TSHZ3: variants seen among roughly 807,000 people sequenced by gnomAD.
TSHZ3 encodes the protein teashirt zinc finger homeobox 3, also known as teashirt homolog 3.
TSHZ3 carries 10 observed loss-of-function variants against 64.5 expected under a neutral mutation model. The ratio of observed to expected loss-of-function variants is 0.16; its 90% CI spans 0.10 to 0.26. The LOEUF is 0.26. TSHZ3 is among the 10% of genes least tolerant of loss of function. The probability of loss-of-function intolerance (pLI) is 1.00; values close to 1 mark genes in which losing one functional copy is unlikely to be tolerated. For synonymous variants in TSHZ3, 608 were observed against 593.1 expected (o/e 1.03, Z -0.36); for missense variants, 1,242 against 1,421.7 (o/e 0.87, Z 2.03).
At chr19:31,291,594 G>C (rs1387259879) in intron 1 of TSHZ3, among the ~76,000 whole-genome samples, 1 of 152,166 alleles carries the variant, frequency 6.6e-6, no homozygotes, top group Non-Finnish European at 1.5e-5. Context: ...ATGTATCAAG[G>C]AGGCATTCAC....
intron 1 of TSHZ3, among the ~76,000 whole-genome samples, chr19:31,243,370 C>T (rs1975720889): frequency 6.6e-6 from 1 of 152,198 alleles, no homozygotes; most frequent in African/African-American, 2.4e-5. Flanking sequence ...TACTGTTACA[C>T]ACTTACAGAC....
exon 7 of TSHZ3, among the ~76,000 whole-genome samples, chr19:31,151,463 C>A (rs145652112): frequency 1.5e-4 from 23 of 152,290 alleles, no homozygotes; most frequent in African/African-American, 5.1e-4. Flanking sequence ...GACCTAGCCA[C>A]CCAGTCTTCA....
At chr19:31,249,043 C>G (rs1975797399) in intron 1 of TSHZ3, among the ~76,000 whole-genome samples, 1 of 150,152 alleles carries the variant, frequency 6.7e-6, no homozygotes, top group Non-Finnish European at 1.5e-5. Context: ...TGGCTAGTCC[C>G]TCCCTGCTCG....
intron 6 of TSHZ3, among the ~76,000 whole-genome samples, chr19:31,152,456 A>G (rs1882757373): frequency 6.6e-6 from 1 of 152,154 alleles, no homozygotes; most frequent in Admixed American, 6.5e-5. Flanking sequence ...TTAGAAAAGA[A>G]AGGAAGAAGA....
At chr19:31,161,979 G>A (rs774032232) in intron 5 of TSHZ3, among the ~76,000 whole-genome samples, 43 of 152,194 alleles carry the variant, frequency 2.8e-4, no homozygotes, top group Non-Finnish European at 4.9e-4. Context: ...AACATGGGTC[G>A]TTATCTCCTG....
intron 5 of TSHZ3, among the ~76,000 whole-genome samples, chr19:31,186,254 T>C (rs1974807991): frequency 6.6e-6 from 1 of 152,186 alleles, no homozygotes; most frequent in South Asian, 2.1e-4. Flanking sequence ...TGAGATGGTT[T>C]GGCTATGTCC....
intron 1 of TSHZ3, among the ~76,000 whole-genome samples, chr19:31,317,980 G>T (rs1429760497): frequency 6.6e-6 from 1 of 152,064 alleles, no homozygotes; most frequent in African/African-American, 2.4e-5. Flanking sequence ...TCAATTCAAA[G>T]ATTCAAAACA....
At chr19:31,269,551 G>A (rs1032642772) in intron 1 of TSHZ3, among the ~76,000 whole-genome samples, 1 of 151,600 alleles carries the variant, frequency 6.6e-6, no homozygotes, top group African/African-American at 2.4e-5. Context: ...AAAAAAAAAA[G>A]CAGCCACACT....
intron 1 of TSHZ3, among the ~76,000 whole-genome samples, chr19:31,296,131 TTG>T (rs369289175): frequency 6.6e-6 from 1 of 151,136 alleles, no homozygotes; most frequent in Non-Finnish European, 1.5e-5. Context: ...CTGAGCAAGT[TTG>T]TGTGTGTGTG....
At chr19:31,209,825 C>A (rs553399383) in intron 4 of TSHZ3, among the ~76,000 whole-genome samples, 1 of 152,084 alleles carries the variant, frequency 6.6e-6, no homozygotes, top group Non-Finnish European at 1.5e-5. Flanking sequence ...GTAATCCTGA[C>A]TTGAGAGATG....
At chr19:31,286,425 T>C (rs924152) in intron 1 of TSHZ3, among the ~76,000 whole-genome samples, 8,818 of 152,278 alleles carry the variant, frequency 0.058, 591 homozygotes, top group African/African-American at 0.17. Context: ...AATATGAGCA[T>C]GTTTATGAGC....
chr19:31,153,189 T>A (rs908663558), intron 6 of TSHZ3, among the ~76,000 whole-genome samples: 2 of 152,170 alleles, frequency 1.3e-5, no homozygotes, highest in East Asian at 3.9e-4. Flanking sequence ...CCGTGTGACA[T>A]AAGATACTGA....
At chr19:31,194,626 G>A (rs1169464245) in intron 5 of TSHZ3, among the ~76,000 whole-genome samples, 2 of 152,068 alleles carry the variant, frequency 1.3e-5, no homozygotes, top group Non-Finnish European at 2.9e-5. Context: ...CTTTACTAAA[G>A]GCCTATTTAC....
At chr19:31,292,753 T>A (rs201827353) in intron 1 of TSHZ3, among the ~76,000 whole-genome samples, 15 of 110,158 alleles carry the variant, frequency 1.4e-4, no homozygotes, top group Non-Finnish European at 3.1e-4. Flanking sequence ...CATCCATCCA[T>A]CCATCCATCC....
chr19:31,189,075 C>G lies in TSHZ3; in HGVS notation n.809+15881G>C, dbSNP rs534179113. On this transcript the variant is annotated intron_variant and non_coding_transcript_variant, in intron 5 of 6. Coordinates refer to the TSHZ3 transcript ENST00000651361. Reference sequence around the variant, plus strand: ...AGATATAAAGTTGTTCATAGCATTCCCTTATTTATACTTTTAATGTCTGAT... The same window carrying G: ...AGATATAAAGTTGTTCATAGCATTCGCTTATTTATACTTTTAATGTCTGAT... 5.3e-5 allele frequency among the ~76,000 whole-genome samples: 8 copies of G among 151,600 alleles called. No individual in the cohort carries two copies. In the East Asian group the frequency reaches 1.5e-3, roughly 29 times the overall value.
chr19:31,317,989 C>A (rs1916653189), intron 1 of TSHZ3, among the ~76,000 whole-genome samples: 1 of 152,176 alleles, frequency 6.6e-6, no homozygotes, highest in Non-Finnish European at 1.5e-5. Context: ...AGATTCAAAA[C>A]AATCTATTGA....
intron 5 of TSHZ3, among the ~76,000 whole-genome samples, chr19:31,162,800 A>T (rs1299626343): frequency 1.3e-5 from 2 of 152,258 alleles, no homozygotes; most frequent in Non-Finnish European, 2.9e-5. Flanking sequence ...GGTAACAAGG[A>T]ACCATGGCAC....
At chr19:31,248,723 C>T (rs1197646296) in intron 1 of TSHZ3, among the ~76,000 whole-genome samples, 6 of 146,708 alleles carry the variant, frequency 4.1e-5, no homozygotes, top group South Asian at 2.2e-4. Context: ...CCTGAATGGT[C>T]GAGGCTGCAG....
At chr19:31,334,043 G>A (rs1917172015) in intron 1 of TSHZ3, among the ~76,000 whole-genome samples, 1 of 152,134 alleles carries the variant, frequency 6.6e-6, no homozygotes, top group African/African-American at 2.4e-5. Context: ...CAGGGCTCAT[G>A]TTGCACGGCT....
Sources: allele counts gnomAD v4.1 joint callset (sites outside exome capture counted in the v4.1 genomes callset), GRCh38; gene constraint gnomAD v4.1.1; transcripts MANE v1.5; gene names NCBI Gene and HGNC (gene_info 2026-07-23, HGNC 2026-07-21).